Variants in ANKRD34B observed in about 807,000 individuals in gnomAD.
ANKRD34B encodes the protein ankyrin repeat domain-containing protein 34B.
ANKRD34B carries 2 observed loss-of-function variants against 4.4 expected under a neutral mutation model. The ratio of observed to expected loss-of-function variants is 0.46; its 90% CI spans 0.19 to 1.44. The LOEUF (loss-of-function observed/expected upper bound fraction) is 1.44. ANKRD34B is among the 40% of genes most tolerant of loss of function. The pLI is 0.26. For synonymous variants in ANKRD34B, 226 were observed against 227.1 expected (o/e 0.99, Z 0.05); for missense variants, 558 against 604.7 (o/e 0.92, Z 0.81).
At chr5:80,564,126 G>A (rs2112715368) in intron 3 of ANKRD34B, among the ~76,000 whole-genome samples, 1 of 152,212 alleles carries the variant, frequency 6.6e-6, no homozygotes, top group Non-Finnish European at 1.5e-5. Context: ...AGTTTTTAAA[G>A]TCTTAGCAGA....
Position 80,557,931 on chromosome 5 carries a change from T to G in ANKRD34B, c.*544A>C, listed in dbSNP as rs999189142. On this transcript the variant is annotated 3_prime_UTR_variant, in exon 5 of 5. Coordinates refer to ENST00000338682, the MANE Select transcript of ANKRD34B (RefSeq NM_001004441.3). ...AGTGTTTAACCTTTTAAATTTTTAATTAGAGTTTTATCTATCTTCAGTCAA... is the reference window on the plus strand; with the variant it reads ...AGTGTTTAACCTTTTAAATTTTTAAGTAGAGTTTTATCTATCTTCAGTCAA... 4.6e-5 allele frequency: 7 copies of G among 152,416 alleles called. No individual in the cohort carries two copies. Among genetic ancestry groups the G allele is most frequent in the African/African-American group, 1.7e-4 (7 of 41,576 alleles). 9.4% of individuals were successfully genotyped at this position (152,416 alleles called of 1,614,324 possible). A position where few individuals can be genotyped will look rare whatever the true frequency, so the allele number is the denominator to read the frequency against.
chr5:80,569,523 C>G (rs1746689032), intron 1 of ANKRD34B, among the ~76,000 whole-genome samples: 1 of 151,728 alleles, frequency 6.6e-6, no homozygotes, highest in Non-Finnish European at 1.5e-5. Context: ...GTCCCCAGCC[C>G]GCCCCCAGCG....
chr5:80,558,619 G>C lies in ANKRD34B; in HGVS notation c.1401C>G (p.Asn467Lys). 2 of 1,614,042 alleles carry C rather than the reference G, an allele frequency of 1.2e-6. No individual in the cohort carries two copies. The highest frequency in any genetic ancestry group is 8.5e-7 in the Non-Finnish European group (1 of 1,179,954). The part of the protein sequence containing the change: ...HPPISDINVN[N>K]KICSLLSCGQ... ...CACAAGAAAGAAGGCTGCAAATCTT[G>C]TTGTTGACATTGATATCTGAGATGG... Residue 467 changes from asparagine (N) to lysine (K), a missense_variant, in exon 5 of 5, where the codon AAC becomes AAG. By Grantham distance (94) the Asn-to-Lys change is moderately conservative. Transcript: ENST00000338682.
intron 3 of ANKRD34B, among the ~76,000 whole-genome samples, chr5:80,564,702 CTTTTTTT>C (rs34992073): frequency 1.8e-5 from 2 of 111,544 alleles, no homozygotes; most frequent in Non-Finnish European, 3.4e-5. Context: ...TTGCTCACTT[CTTTTTTT>C]TTTTTTTTTT....
intron 2 of ANKRD34B, 120 bp from the exon 3 acceptor site, chr5:80,566,894 G>A (rs181927500): frequency 1.7e-3 from 266 of 152,724 alleles, no homozygotes; most frequent in African/African-American, 6.1e-3. Flanking sequence ...TGTTTGCTCA[G>A]TTAGTCATAT....
In ANKRD34B at chr5:80,558,244, G is replaced by A. The variant is rs969293721; in HGVS notation, c.*231C>T. 4 of 329,076 alleles carry A rather than the reference G, an allele frequency of 1.2e-5. No homozygotes were observed. The Admixed American group carries it at 1.8e-4, about 15-fold the overall frequency. 20.4% of individuals were successfully genotyped at this position (329,076 alleles called of 1,614,324 possible). ...ACATGGAGATTGTTAAATATTAGAAGCATTGAGAAAAATCGCTTTCCTTTT... is the reference window on the plus strand; with the variant it reads ...ACATGGAGATTGTTAAATATTAGAAACATTGAGAAAAATCGCTTTCCTTTT... On this transcript the variant is annotated 3_prime_UTR_variant, in exon 5 of 5. Coordinates refer to ENST00000338682, the MANE Select transcript of ANKRD34B (RefSeq NM_001004441.3).
In ANKRD34B at chr5:80,559,064, T is replaced by C. The variant is rs1195623785; in HGVS notation, c.956A>G (p.Tyr319Cys). Residue 319 changes from tyrosine to cysteine, a missense_variant, in exon 5 of 5, where the codon TAT becomes TGT. Coordinates refer to ENST00000338682, the MANE Select transcript of ANKRD34B (RefSeq NM_001004441.3). Reference sequence around the variant, plus strand: ...ATAAGATTGACAATTTATTTCATCATATGACATCTTCCTTGAGCTGGCCTG... The same window carrying C: ...ATAAGATTGACAATTTATTTCATCACATGACATCTTCCTTGAGCTGGCCTG... ...FDQASSRKMS[Y>C]DEINCQSYLS... 14 of 1,614,234 alleles carry C rather than the reference T, an allele frequency of 8.7e-6. No individual in the cohort carries two copies. Among genetic ancestry groups the C allele is most frequent in the Non-Finnish European group, 1.2e-5 (14 of 1,180,034 alleles).
At chr5:80,566,316 A>G (rs1422647905) in intron 3 of ANKRD34B, among the ~76,000 whole-genome samples, 3 of 152,220 alleles carry the variant, frequency 2.0e-5, no homozygotes, top group Non-Finnish European at 4.4e-5. Context: ...AGGGCTTAGA[A>G]CAAGAAGATG....
At position 80,565,248 on chromosome 5, in the gene ANKRD34B, T is replaced by C. The variant is rs184401405; in HGVS notation, c.-104-1433A>G. Among the ~76,000 whole-genome samples, 127 of 152,342 alleles carry C rather than the reference T, an allele frequency of 8.3e-4. 1 individual carries two copies. Among genetic ancestry groups the C allele is most frequent in the Non-Finnish European group, 5.7e-4 (39 of 68,028 alleles). On this transcript the variant is annotated intron_variant, in intron 3 of 4. Transcript: ENST00000338682. ...AAAACACTGATATTTATGTCTGACA[T>C]ATTTCCTTTTCATAGAATTGAACTC...
intron 4 of ANKRD34B, among the ~76,000 whole-genome samples, chr5:80,563,065 C>G (rs1167992400): frequency 2.5e-5 from 3 of 118,990 alleles, no homozygotes; most frequent in African/African-American, 6.0e-5. Context: ...ATTGTCCTTT[C>G]TTTATTCATC....
chr5:80,564,906 C>T (rs770323686), intron 3 of ANKRD34B, among the ~76,000 whole-genome samples: 16 of 152,156 alleles, frequency 1.1e-4, no homozygotes, highest in Non-Finnish European at 1.6e-4. Context: ...GGTTTCTTCA[C>T]GTTGGTCAGG....
chr5:80,562,382 AC>A (rs1340864152), intron 4 of ANKRD34B, among the ~76,000 whole-genome samples: 2 of 152,014 alleles, frequency 1.3e-5, no homozygotes, highest in Non-Finnish European at 2.9e-5. Context: ...ATAGAAGACT[AC>A]CCCTCCCGCT....
chr5:80,557,143 C>T lies in ANKRD34B; in HGVS notation c.*1332G>A, dbSNP rs1746258807. The T allele has an allele frequency of 6.6e-6, 1 of 152,522 alleles. No individual in the cohort carries two copies. Among genetic ancestry groups the T allele is most frequent in the African/African-American group, 2.4e-5 (1 of 41,436 alleles). The allele number at this position is 152,522 out of a possible 1,614,324, so 9.4% of individuals were successfully genotyped here. ...GTACGTGACAATCATCAAATTAATA[C>T]ACTTAGGTTTTGTATAGTCTGATTT... On this transcript the variant is annotated 3_prime_UTR_variant, in exon 5 of 5. Coordinates refer to ENST00000338682, the MANE Select transcript of ANKRD34B (RefSeq NM_001004441.3).
intron 4 of ANKRD34B, among the ~76,000 whole-genome samples, chr5:80,561,284 G>A (rs1028771626): frequency 6.6e-6 from 1 of 152,068 alleles, no homozygotes; most frequent in African/African-American, 2.4e-5. Flanking sequence ...GGGAGGGGGA[G>A]AATCAGATGA....
intron 2 of ANKRD34B, among the ~76,000 whole-genome samples, chr5:80,568,754 G>A (rs145177811): frequency 6.6e-6 from 1 of 152,250 alleles, no homozygotes; most frequent in East Asian, 1.9e-4. Context: ...AAGGAGACGC[G>A]TAGCTGGTAA....
rs904465475 is a variant in ANKRD34B, at chr5:80,557,682, TGATATGGAGAAAGAATAATTCCTTAAAA to T, written c.*765_*792del. On this transcript the variant is annotated 3_prime_UTR_variant, in exon 5 of 5. Coordinates refer to ENST00000338682, the MANE Select transcript of ANKRD34B (RefSeq NM_001004441.3). ...AAAACTAATAACAGGAATTAAAAGATGATATGGAGAAAGAATAATTCCTTAAAAGATATGGAGAAAGAATAATTCCGTA... is the reference window on the plus strand; with the variant it reads ...AAAACTAATAACAGGAATTAAAAGATGATATGGAGAAAGAATAATTCCGTA... 2 of 145,182 alleles carry T rather than the reference TGATATGGAGAAAGAATAATTCCTTAAAA, an allele frequency of 1.4e-5. No individual in the cohort carries two copies. The highest frequency in any genetic ancestry group is 2.9e-5 in the Non-Finnish European group (2 of 67,964). The allele number at this position is 145,182 out of a possible 1,614,324, so 9.0% of individuals were successfully genotyped here. A position where few individuals can be genotyped will look rare whatever the true frequency, so the allele number is the denominator to read the frequency against.
chr5:80,561,356 T>G (rs190587696), intron 4 of ANKRD34B, among the ~76,000 whole-genome samples: 1 of 152,252 alleles, frequency 6.6e-6, no homozygotes, highest in East Asian at 1.9e-4. Context: ...CTGAAAACTA[T>G]TGTTTATTCT....
chr5:80,560,745 A>G (rs1746387434), intron 4 of ANKRD34B, among the ~76,000 whole-genome samples: 1 of 152,216 alleles, frequency 6.6e-6, no homozygotes, highest in South Asian at 2.1e-4. Context: ...AACTGAATCA[A>G]TTAAAATATT....
At chr5:80,563,042 A>C (rs556171606) in intron 4 of ANKRD34B, among the ~76,000 whole-genome samples, 22 of 151,598 alleles carry the variant, frequency 1.5e-4, no homozygotes, top group African/African-American at 5.3e-4. Context: ...AGCTTTTGTC[A>C]TACACTGGCA....
Sources: gnomAD v4.1 joint callset for allele counts (sites outside exome capture counted in the v4.1 genomes callset) on GRCh38, gnomAD v4.1.1 for gene constraint, MANE v1.5 for transcripts, NCBI Gene and HGNC (gene_info 2026-07-23, HGNC 2026-07-21) for gene names.